The following ARID1B variants were observed in gnomAD, a reference collection of about 807,000 sequenced individuals.
The protein encoded by ARID1B is AT-rich interaction domain 1B.
ARID1B carries 30 observed loss-of-function variants against 212.3 expected under a neutral mutation model. The observed-to-expected ratio is 0.14, with a 90% CI of 0.11 to 0.19. The LOEUF is 0.19. Ranked by LOEUF, ARID1B falls within the 10% of genes least tolerant of loss-of-function variation. ARID1B has a pLI of 1.00. For synonymous variants in ARID1B, 1,402 were observed against 1,301.7 expected (o/e 1.08, Z -1.66); for missense variants, 2,891 against 3,204.0 (o/e 0.90, Z 2.36).
At chr6:157,075,279 A>C (rs2128441038) in intron 4 of ARID1B, among the ~76,000 whole-genome samples, 1 of 152,348 alleles carries the variant, frequency 6.6e-6, no homozygotes, top group African/African-American at 2.4e-5. Context: ...ATTTGATTTT[A>C]AAATATAAAA....
rs575289192 is a variant in ARID1B, at chr6:156,778,318, A to G, written c.638A>G (p.Gln213Arg). 6.5e-7 allele frequency: 1 copy of G among 1,545,312 alleles called. No homozygotes were observed. The highest frequency in any genetic ancestry group is 2.0e-5 in the Admixed American group (1 of 51,008). The change falls in exon 1 of 20, where the codon CAG becomes CGG. Residue 213 changes from glutamine (Q) to arginine (R), a missense_variant. Transcript: ENST00000636930. Reference protein sequence around the residue: ...QQQQQQQQQQQQHPISNNNSL... With the variant: ...QQQQQQQQQQRQHPISNNNSL... ...CAGCAGCAGCAGCAGCAGCAGCAAC[A>G]GCAACATCCCATTTCCAACAACAAC...
chr6:156,860,883 G>A lies in ARID1B; in HGVS notation c.1986+31462G>A, dbSNP rs558625299. 3.3e-5 allele frequency among the ~76,000 whole-genome samples: 5 copies of A among 152,114 alleles called. No individual in the cohort carries two copies. In the East Asian group the frequency reaches 7.7e-4, roughly 23 times the overall value. On this transcript the variant is annotated intron_variant, in intron 2 of 19. Transcript: ENST00000636930. ...TGGATCTCTTTAGAAAAAGCCTTTG[G>A]TCTATTTAAGCACTCTGTTTGTGCC... is the stretch of plus-strand genomic sequence containing the variant.
At chr6:156,805,452 C>T (rs758673666) in intron 1 of ARID1B, among the ~76,000 whole-genome samples, 3 of 151,986 alleles carry the variant, frequency 2.0e-5, no homozygotes, top group Non-Finnish European at 2.9e-5. Flanking sequence ...GGATGTTGTC[C>T]GAGTGTCAGC....
intron 8 of ARID1B, among the ~76,000 whole-genome samples, chr6:157,154,365 C>A (rs1290626069): frequency 6.6e-6 from 1 of 152,084 alleles, no homozygotes; most frequent in Non-Finnish European, 1.5e-5. Context: ...ATACTGTGTT[C>A]ATAAGAAGAG....
At position 156,778,504 on chromosome 6, in the gene ARID1B, T is replaced by C; in HGVS notation, c.824T>C (p.Met275Thr). Residue 275 changes from methionine to threonine, a missense_variant, in exon 1 of 20, where the codon ATG becomes ACG. By Grantham distance (81) the Met-to-Thr change is moderately conservative. This residue lies in a region of ARID1B where 1,643 missense variants were observed against 1,544.0 expected (regional missense o/e 1.06). Coordinates refer to ENST00000636930, the MANE Select transcript of ARID1B (RefSeq NM_001374828.1). ...PGDEDDAPPK[M>T]GEPAGGRYEH... ...GACGAGGACGACGCGCCGCCCAAGA[T>C]GGGGGAGCCGGCGGGCGGCCGCTAC... 8.0e-7 allele frequency: 1 copy of C among 1,243,930 alleles called. No homozygotes were observed. Among genetic ancestry groups the C allele is most frequent in the Non-Finnish European group, 1.0e-6 (1 of 998,686 alleles). 77.1% of individuals were successfully genotyped at this position (1,243,930 alleles called of 1,614,324 possible). A position where few individuals can be genotyped will look rare whatever the true frequency, so the allele number is the denominator to read the frequency against.
intron 6 of ARID1B, among the ~76,000 whole-genome samples, chr6:157,115,369 T>TTA (rs1787256053): frequency 8.5e-5 from 13 of 152,328 alleles, no homozygotes; most frequent in African/African-American, 2.9e-4. Flanking sequence ...CTCTACATCT[T>TTA]CTGTTTTCCA....
chr6:156,809,697 A>G (rs1781426329), intron 1 of ARID1B, among the ~76,000 whole-genome samples: 1 of 124,654 alleles, frequency 8.0e-6, no homozygotes, highest in South Asian at 2.8e-4. Context: ...GCATGTGAAG[A>G]TTTGCCTTTT....
intron 8 of ARID1B, among the ~76,000 whole-genome samples, chr6:157,161,190 T>C (rs146584482): frequency 1.3e-3 from 203 of 152,324 alleles, no homozygotes; most frequent in Non-Finnish European, 2.0e-3. Flanking sequence ...TTATATACTT[T>C]TACACGAATC....
At chr6:157,015,958 C>T (rs888078575) in intron 4 of ARID1B, among the ~76,000 whole-genome samples, 5 of 152,200 alleles carry the variant, frequency 3.3e-5, no homozygotes, top group African/African-American at 9.6e-5. Flanking sequence ...CCTCTTGATA[C>T]ATCTGTAAGG....
intron 4 of ARID1B, among the ~76,000 whole-genome samples, chr6:157,065,112 G>C (rs1003003953): frequency 3.9e-5 from 6 of 152,116 alleles, no homozygotes; most frequent in African/African-American, 1.4e-4. Context: ...TATCATATTT[G>C]GGGAAATTCA....
chr6:156,823,495 C>A (rs1782519502), intron 1 of ARID1B, among the ~76,000 whole-genome samples: 1 of 152,114 alleles, frequency 6.6e-6, no homozygotes, highest in African/African-American at 2.4e-5. Context: ...ATAAACACCC[C>A]CTGCCCTGTT....
intron 9 of ARID1B, chr6:157,173,763 A>T (rs1208443512): frequency 2.7e-6 from 1 of 367,624 alleles, no homozygotes; most frequent in Admixed American, 4.4e-5. Flanking sequence ...GTTGACCTTC[A>T]TAGGTTTGGG....
intron 7 of ARID1B, among the ~76,000 whole-genome samples, chr6:157,142,061 C>G (rs1373217455): frequency 6.6e-6 from 1 of 152,176 alleles, no homozygotes; most frequent in East Asian, 1.9e-4. Flanking sequence ...TGTACAGATG[C>G]ATGCAACGGT....
intron 4 of ARID1B, among the ~76,000 whole-genome samples, chr6:157,077,477 G>C (rs1393085340): frequency 6.6e-6 from 1 of 152,102 alleles, no homozygotes; most frequent in African/African-American, 2.4e-5. Context: ...CATCCCAAGT[G>C]CCGCCTGTGC....
chr6:157,022,129 A>G (rs1297525613), intron 4 of ARID1B, among the ~76,000 whole-genome samples: 1 of 150,960 alleles, frequency 6.6e-6, no homozygotes, highest in Non-Finnish European at 1.5e-5. Flanking sequence ...GGCCGCCAAG[A>G]ACAGGGCGGG....
chr6:157,121,741 C>T (rs1787736680), intron 6 of ARID1B, among the ~76,000 whole-genome samples: 1 of 147,818 alleles, frequency 6.8e-6, no homozygotes, highest in South Asian at 2.1e-4. Flanking sequence ...AAGCAGTTCT[C>T]CTGCCTCAGC....
At chr6:156,784,852 C>T (rs1779526831) in intron 1 of ARID1B, among the ~76,000 whole-genome samples, 4 of 152,154 alleles carry the variant, frequency 2.6e-5, no homozygotes, top group Admixed American at 2.6e-4. Flanking sequence ...CTTGACCTCC[C>T]AGATTCAAGT....
chr6:157,049,589 TC>T (rs1782457458), intron 4 of ARID1B, among the ~76,000 whole-genome samples: 1 of 152,210 alleles, frequency 6.6e-6, no homozygotes, highest in South Asian at 2.1e-4. Flanking sequence ...CCTTCACTCT[TC>T]CACAAATTAA....
intron 2 of ARID1B, among the ~76,000 whole-genome samples, chr6:156,881,053 C>T (rs1787042894): frequency 6.6e-6 from 1 of 152,178 alleles, no homozygotes; most frequent in Non-Finnish European, 1.5e-5. Context: ...TTAAAATGCA[C>T]TGACAGTGAC....
Sources: allele counts gnomAD v4.1 joint callset (sites outside exome capture counted in the v4.1 genomes callset), GRCh38; gene constraint gnomAD v4.1.1; regional missense constraint gnomAD v4.1.1; transcripts MANE v1.5; gene names NCBI Gene and HGNC (gene_info 2026-07-23, HGNC 2026-07-21).